The following IKBKG variants were observed in gnomAD, a reference collection of about 807,000 sequenced individuals.
The protein encoded by IKBKG is NF-kappa-B essential modulator.
IKBKG carries 2 observed loss-of-function variants against 13.7 expected under a neutral mutation model. The ratio of observed to expected loss-of-function variants is 0.15; its 90% CI spans 0.06 to 0.46. The LOEUF is 0.46. Ranked by LOEUF, IKBKG falls within the 20% of genes least tolerant of loss-of-function variation. The pLI is 0.98. For missense variants in IKBKG, 53 were observed against 150.3 expected, an observed-to-expected ratio of 0.35 and a Z score of 3.39; for synonymous variants, 22 against 64.4, an observed-to-expected ratio of 0.34 and a Z score of 3.15.
chrX:154,548,227 A>G, intron 1 of IKBKG: 1 of 441,275 alleles, frequency 2.3e-6, no homozygotes, highest in Non-Finnish European at 2.8e-6. Context: ...TAGCTGGAGC[A>G]GAGTGAGGGA....
chrX:154,546,498 G>A (rs969214884), upstream of IKBKG, among the ~76,000 whole-genome samples: 1 of 111,628 alleles, frequency 9.0e-6, no homozygotes, highest in African/African-American at 3.3e-5. Context: ...TCTCATTCCC[G>A]ACTGTAGCGG....
upstream of IKBKG, chrX:154,546,963 C>A: frequency 3.0e-6 from 1 of 331,113 alleles, no homozygotes; most frequent in South Asian, 1.4e-4. Context: ...ACCCCTCGTG[C>A]GGGCGGGGCG....
At chrX:154,546,832 T>G (rs1336481913), upstream of IKBKG, 16 of 1,144,463 alleles carry the variant, frequency 1.4e-5, 1 homozygote, top group Admixed American at 2.6e-4. Context: ...AGCCCCGAAG[T>G]GTACGACCGT....
chrX:154,547,850 C>G lies in IKBKG; in HGVS notation c.-16+105C>G, dbSNP rs2070795123. 5.3e-6 allele frequency: 4 copies of G among 753,919 alleles called. No individual in the cohort carries two copies. The South Asian group carries it at 2.7e-4, about 51-fold the overall frequency. The allele number at this position is 753,919 out of a possible 1,213,427, so 62.1% of individuals were successfully genotyped here. A position where few individuals can be genotyped will look rare whatever the true frequency, so the allele number is the denominator to read the frequency against. ...TCCCCCCTCTTTTTTGGGCCCCAGC[C>G]CGTTCCTGCTCCGCGCTTCTGGAGC... On this transcript the variant is annotated intron_variant, in intron 1 of 9. Transcript: ENST00000594239.
chrX:154,551,603 G>A (rs1384238097), intron 1 of IKBKG, among the ~76,000 whole-genome samples: 1 of 111,497 alleles, frequency 9.0e-6, no homozygotes, highest in Non-Finnish European at 1.9e-5. Flanking sequence ...TATCTTTTCG[G>A]GGGGCTACCA....
intron 1 of IKBKG, among the ~76,000 whole-genome samples, chrX:154,548,888 C>T (rs2070839262): frequency 9.0e-6 from 1 of 110,793 alleles, no homozygotes; most frequent in South Asian, 3.8e-4. Flanking sequence ...CTTACATTCA[C>T]AGCTACCAAC....
chrX:154,546,274 C>T (rs2070712445), upstream of IKBKG: 8 of 1,002,791 alleles, frequency 8.0e-6, no homozygotes, highest in South Asian at 1.5e-4. Flanking sequence ...CACCTGATTG[C>T]CCAAATCACT....
chrX:154,551,868 C>T (rs782480682), intron 1 of IKBKG, 120 bp from the exon 2 acceptor site: 3 of 541,307 alleles, frequency 5.5e-6, no homozygotes, highest in Non-Finnish European at 8.2e-6. Context: ...CTTTAGCATC[C>T]TGATACACTA....
At chrX:154,548,435 G>A (rs1233152118) in intron 1 of IKBKG, among the ~76,000 whole-genome samples, 1 of 112,730 alleles carries the variant, frequency 8.9e-6, no homozygotes, top group Non-Finnish European at 1.9e-5. Context: ...TAGTGGGCAA[G>A]GGTAAAAGAA....
Position 154,547,704 on chromosome X carries a change from G to T in IKBKG, c.-57G>T. On this transcript the variant is annotated 5_prime_UTR_variant, in exon 1 of 10. Coordinates refer to ENST00000594239, the MANE Select transcript of IKBKG (RefSeq NM_001099857.5). ...GGGGCCCTACCAGCGTTCACAGTCC[G>T]CCGCTCCCACCCTTCTCACGTCTGA... 1.3e-6 allele frequency: 1 copy of T among 755,198 alleles called. No homozygotes were observed. Among genetic ancestry groups the T allele is most frequent in the Non-Finnish European group, 1.6e-6 (1 of 639,531 alleles). The allele number at this position is 755,198 out of a possible 1,213,427, so 62.2% of individuals were successfully genotyped here. A position where few individuals can be genotyped will look rare whatever the true frequency, so the allele number is the denominator to read the frequency against.
rs1202314598 is a variant in IKBKG at position 154,547,702 on chromosome X, C to A, written c.-59C>A. ...CCGGGGCCCTACCAGCGTTCACAGT[C>A]CGCCGCTCCCACCCTTCTCACGTCT... On this transcript the variant is annotated 5_prime_UTR_variant, in exon 1 of 10. Coordinates refer to ENST00000594239, the MANE Select transcript of IKBKG (RefSeq NM_001099857.5). 6 of 755,212 alleles carry A rather than the reference C, an allele frequency of 7.9e-6. No homozygotes were observed. Among genetic ancestry groups the A allele is most frequent in the Non-Finnish European group, 9.4e-6 (6 of 639,541 alleles). 62.2% of individuals were successfully genotyped at this position (755,212 alleles called of 1,213,427 possible).
At chrX:154,547,266 C>T (rs782786606), upstream of IKBKG, 33 of 694,001 alleles carry the variant, frequency 4.8e-5, no homozygotes, top group Non-Finnish European at 5.3e-5. Flanking sequence ...GGCTCCTGGG[C>T]GGGGCCTTCT....
upstream of IKBKG, chrX:154,546,846 CG>C (rs782230848): frequency 5.3e-6 from 6 of 1,133,148 alleles, no homozygotes; most frequent in Admixed American, 2.7e-5. Context: ...CGACCGTTTC[CG>C]GGGGCTGAGC....
At chrX:154,547,246 G>A, upstream of IKBKG, 1 of 649,425 alleles carries the variant, frequency 1.5e-6, no homozygotes, top group Non-Finnish European at 1.8e-6. Context: ...CCTCCTCTGG[G>A]CTGTCCCTCG....
In IKBKG at chrX:154,552,086, C is replaced by T. The variant is rs782455868; in HGVS notation, c.84C>T (p.Gly28=). The change falls in exon 2 of 10, where the codon GGC becomes GGT. Residue 28 remains glycine, a synonymous_variant. Transcript: ENST00000594239. The stretch of plus-strand genomic sequence containing the variant: ...CGGCAGCAGATCAGGACGTACTGGG[C>T]GAAGAGTCTCCTCTGGGGAAGCCAG... ...GGPAADQDVL[G]EESPLGKPAM... is the part of the protein sequence containing the mutation. 33 of 1,191,841 alleles carry T rather than the reference C, an allele frequency of 2.8e-5. No individual in the cohort carries two copies. Among genetic ancestry groups the T allele is most frequent in the African/African-American group, 1.2e-4 (7 of 56,824 alleles).
intron 2 of IKBKG, among the ~76,000 whole-genome samples, chrX:154,553,185 C>T (rs1330500683): frequency 8.9e-6 from 1 of 112,621 alleles, no homozygotes; most frequent in Admixed American, 9.3e-5. Context: ...AACACCCCTT[C>T]CTTGCAGGAG....
chrX:154,555,771 G>T (rs1381515244), intron 2 of IKBKG, among the ~76,000 whole-genome samples: 2 of 111,091 alleles, frequency 1.8e-5, no homozygotes, highest in Non-Finnish European at 3.8e-5. Flanking sequence ...TTAGAGACGG[G>T]GTTTCACCAT....
chrX:154,541,535 G>A (rs1266083008), intron 1 of IKBKG: 1 of 112,311 alleles, frequency 8.9e-6, no homozygotes, highest in Admixed American at 9.5e-5. Flanking sequence ...ATGCTCTAGT[G>A]GGACTTTCTG....
At chrX:154,546,290 T>C, upstream of IKBKG, 1 of 935,760 alleles carries the variant, frequency 1.1e-6, no homozygotes, top group Non-Finnish European at 1.5e-6. Context: ...TCACTCCTTG[T>C]GAACGGCTGG....
Sources: allele counts gnomAD v4.1 joint callset (sites outside exome capture counted in the v4.1 genomes callset), GRCh38; gene constraint gnomAD v4.1.1; transcripts MANE v1.5; gene names NCBI Gene and HGNC (gene_info 2026-07-23, HGNC 2026-07-21).